Variants in KIF13B observed in about 807,000 individuals in gnomAD.
The protein encoded by KIF13B is kinesin-like protein KIF13B.
KIF13B carries 127 observed loss-of-function variants against 222.0 expected under a neutral mutation model. The ratio of observed to expected loss-of-function variants is 0.57; its 90% CI spans 0.50 to 0.66. KIF13B has a LOEUF of 0.66. Ranked by LOEUF, KIF13B falls within the 30% of genes least tolerant of loss-of-function variation. KIF13B has a pLI of 0.00. For missense variants in KIF13B, 2,173 were observed against 2,379.0 expected (o/e 0.91, Z 1.80); for synonymous variants, 976 against 919.0 (o/e 1.06, Z -1.12).
chr8:29,081,578 T>G (rs1225161806), intron 37 of KIF13B, among the ~76,000 whole-genome samples: 1 of 152,222 alleles, frequency 6.6e-6, no homozygotes, highest in Non-Finnish European at 1.5e-5. Context: ...TTCAAGGACT[T>G]TGTACAGAAA....
At chr8:29,231,711 G>A (rs1374344317) in intron 2 of KIF13B, among the ~76,000 whole-genome samples, 1 of 151,796 alleles carries the variant, frequency 6.6e-6, no homozygotes, top group Non-Finnish European at 1.5e-5. Flanking sequence ...GCATTTCACA[G>A]GTAAAATTTA....
At chr8:29,198,612 G>A (rs538842486) in intron 2 of KIF13B, among the ~76,000 whole-genome samples, 35 of 152,164 alleles carry the variant, frequency 2.3e-4, no homozygotes, top group African/African-American at 6.3e-4. Context: ...CATCAGCCAC[G>A]GCACCCAGGC....
intron 29 of KIF13B, among the ~76,000 whole-genome samples, chr8:29,120,279 C>A (rs1161773899): frequency 8.4e-6 from 1 of 118,694 alleles, no homozygotes; most frequent in African/African-American, 3.2e-5. Flanking sequence ...GCTGCACCCA[C>A]TAACGTGTCA....
rs1165383368 is a variant in KIF13B at position 29,233,900 on chromosome 8, G to C, written c.149+11446C>G. On this transcript the variant is annotated intron_variant, in intron 2 of 39. Transcript: ENST00000524189. The stretch of plus-strand genomic sequence containing the variant: ...TATTTTAATTCATTTAAAAACAAGA[G>C]TCATTATATGTTAATATAAACATTT... Among the ~76,000 whole-genome samples, 3 of 152,084 alleles carry C rather than the reference G, an allele frequency of 2.0e-5. No homozygotes were observed. The East Asian group carries it at 5.8e-4, about 29-fold the overall frequency.
intron 2 of KIF13B, among the ~76,000 whole-genome samples, chr8:29,229,947 A>C (rs1815210058): frequency 6.6e-6 from 1 of 152,220 alleles, no homozygotes; most frequent in South Asian, 2.1e-4. Flanking sequence ...TGTTATTTGA[A>C]AAGAATATTA....
chr8:29,130,689 G>GA (rs1428302517), intron 23 of KIF13B, 24 bp from the exon 24 acceptor site: 21 of 1,612,554 alleles, frequency 1.3e-5, no homozygotes, highest in Non-Finnish European at 1.8e-5. Flanking sequence ...GAAGTTCTTG[G>GA]AAAATCATAC....
chr8:29,216,453 G>T (rs559029948), intron 2 of KIF13B, among the ~76,000 whole-genome samples: 44 of 152,108 alleles, frequency 2.9e-4, no homozygotes, highest in African/African-American at 9.9e-4. Context: ...AAAATATTTA[G>T]CTGGGCATGG....
At chr8:29,147,285 T>G in intron 17 of KIF13B, 107 bp downstream of exon 17, 1 of 818,772 alleles carries the variant, frequency 1.2e-6, no homozygotes, top group Non-Finnish European at 1.9e-6. Context: ...TTTAACATAA[T>G]TCTTTTGTAA....
chr8:29,191,920 G>C (rs373830870), intron 3 of KIF13B, among the ~76,000 whole-genome samples: 1 of 152,146 alleles, frequency 6.6e-6, no homozygotes, highest in African/African-American at 2.4e-5. Context: ...AATGTATCTC[G>C]GTTCACATTT....
chr8:29,105,193 A>G (rs914094395), intron 35 of KIF13B, among the ~76,000 whole-genome samples: 2 of 151,474 alleles, frequency 1.3e-5, no homozygotes, highest in Non-Finnish European at 2.9e-5. Flanking sequence ...CTGGTCTCAA[A>G]CTGCTGGGCT....
intron 2 of KIF13B, among the ~76,000 whole-genome samples, chr8:29,236,489 T>C (rs887105258): frequency 2.6e-5 from 4 of 152,198 alleles, no homozygotes; most frequent in African/African-American, 9.6e-5. Context: ...AAAAATTAAA[T>C]TGCAAATAAA....
intron 12 of KIF13B, among the ~76,000 whole-genome samples, chr8:29,164,836 T>C (rs1811921462): frequency 6.6e-6 from 1 of 152,042 alleles, no homozygotes; most frequent in East Asian, 1.9e-4. Flanking sequence ...AATTCTAATG[T>C]TCCTACCCTA....
At chr8:29,177,444 A>G in intron 9 of KIF13B, 22 bp downstream of exon 9, 1 of 1,396,596 alleles carries the variant, frequency 7.2e-7, no homozygotes, top group African/African-American at 1.4e-5. Context: ...AAGCAATAAA[A>G]ATAAGCTTTG....
At chr8:29,197,685 T>A (rs920393443) in intron 2 of KIF13B, among the ~76,000 whole-genome samples, 2 of 152,174 alleles carry the variant, frequency 1.3e-5, no homozygotes, top group Admixed American at 1.3e-4. Flanking sequence ...CCCTTCCTCA[T>A]CCTTCTTTTC....
intron 38 of KIF13B, among the ~76,000 whole-genome samples, chr8:29,073,090 TATGAGGAGGGGGACGAGGAGGGGG>T (rs1807382098): frequency 6.4e-5 from 2 of 31,156 alleles, no homozygotes; most frequent in Admixed American, 3.1e-4. Flanking sequence ...CGAGGAGGGG[TATGAGGAGGGGGACGAGGAGGGGG>T]ACGAGGAGGG....
intron 2 of KIF13B, among the ~76,000 whole-genome samples, chr8:29,226,115 T>C (rs549663311): frequency 7.9e-5 from 12 of 152,130 alleles, no homozygotes; most frequent in South Asian, 2.1e-4. Context: ...TAGAGACGGA[T>C]TGATTCATCT....
At chr8:29,251,724 C>G in intron 1 of KIF13B, among the ~76,000 whole-genome samples, 1 of 152,142 alleles carries the variant, frequency 6.6e-6, no homozygotes, top group East Asian at 1.9e-4. Flanking sequence ...GAAATGTACT[C>G]AATGCTACTG....
chr8:29,191,157 C>T, intron 3 of KIF13B, 100 bp from the exon 4 acceptor site: 2 of 843,462 alleles, frequency 2.4e-6, no homozygotes, highest in South Asian at 1.8e-5. Context: ...AAACAACTTA[C>T]TGTCATACAA....
chr8:29,251,628 T>C (rs993111456), intron 1 of KIF13B, among the ~76,000 whole-genome samples: 5 of 151,644 alleles, frequency 3.3e-5, no homozygotes, highest in African/African-American at 1.2e-4. Context: ...GAAAGAGGAG[T>C]TGTTATTTAA....
Sources: allele counts gnomAD v4.1 joint callset (sites outside exome capture counted in the v4.1 genomes callset), GRCh38; gene constraint gnomAD v4.1.1; transcripts MANE v1.5; gene names NCBI Gene and HGNC (gene_info 2026-07-23, HGNC 2026-07-21).